The following TSEN2 variants were observed in gnomAD, a reference collection of about 807,000 sequenced individuals.
TSEN2 encodes the protein tRNA-splicing endonuclease subunit Sen2.
A neutral mutation model predicts 59.2 loss-of-function variants in TSEN2; 54 were observed. That is an observed-to-expected ratio of 0.91 (90% CI 0.73 to 1.14). The LOEUF is 1.14. TSEN2 is among the 50% of genes most tolerant of loss of function. The pLI is 0.00. For missense variants in TSEN2, 636 were observed against 576.2 expected (o/e 1.10, Z -1.06); for synonymous variants, 195 against 198.2 (o/e 0.98, Z 0.14).
At chr3:12,529,069 T>G in intron 9 of TSEN2, 145 bp downstream of exon 9, 1 of 791,134 alleles carries the variant, frequency 1.3e-6, no homozygotes, top group Non-Finnish European at 2.2e-6. Context: ...CATGCCTCCT[T>G]ACACACTAAT....
Position 12,503,448 on chromosome 3 carries a change from AG to A in TSEN2, c.500del (p.Gly167GlufsTer7). On this transcript the variant is annotated frameshift_variant, in exon 5 of 12. Transcript: ENST00000284995. LOFTEE classifies it high-confidence loss of function. ...GMVSNMEGTA[G>X]GERPSVVNGD... ...TGGTTTCCAACATGGAAGGCACAGC[AG>A]GGGGAGAGAGACCTTCTGTGGTAAA... The A allele has an allele frequency of 6.2e-7, 1 of 1,614,224 alleles. No homozygotes were observed. The highest frequency in any genetic ancestry group is 8.5e-7 in the Non-Finnish European group (1 of 1,180,042).
intron 6 of TSEN2, among the ~76,000 whole-genome samples, chr3:12,515,555 T>A (rs1017817794): frequency 1.3e-5 from 2 of 152,226 alleles, no homozygotes; most frequent in Non-Finnish European, 2.9e-5. Flanking sequence ...CTCATGGGAA[T>A]CCCTTCAGTG....
intron 8 of TSEN2, among the ~76,000 whole-genome samples, chr3:12,523,523 A>ATTTTTTTTTTT (rs1386382924): frequency 4.7e-4 from 24 of 51,010 alleles, no homozygotes; most frequent in Non-Finnish European, 9.4e-4. Context: ...TTCCTCTTTG[A>ATTTTTTTTTTT]TTCTTTTTTT....
chr3:12,530,397 T>C (rs910920565), intron 10 of TSEN2: 1 of 985,798 alleles, frequency 1.0e-6, no homozygotes, highest in Non-Finnish European at 1.2e-6. Context: ...CTCATGTGCA[T>C]ACTCGGGATC....
chr3:12,511,191 T>C (rs1474930075), intron 6 of TSEN2: 2 of 152,272 alleles, frequency 1.3e-5, no homozygotes, highest in Admixed American at 6.6e-5. Context: ...ATCGGGCACA[T>C]TGAGAGTAGC....
At chr3:12,526,676 C>T (rs2057112238) in intron 8 of TSEN2, among the ~76,000 whole-genome samples, 1 of 152,218 alleles carries the variant, frequency 6.6e-6, no homozygotes, top group African/African-American at 2.4e-5. Flanking sequence ...ATACACCGTG[C>T]TAATACTTCT....
intron 3 of TSEN2, among the ~76,000 whole-genome samples, chr3:12,493,210 TG>T (rs2053405506): frequency 6.6e-6 from 1 of 152,262 alleles, no homozygotes; most frequent in South Asian, 2.1e-4. Context: ...TTGGCTTTTC[TG>T]AATAATACTG....
At chr3:12,539,011 C>G (rs564151876) in intron 10 of TSEN2, 1 of 338,990 alleles carries the variant, frequency 2.9e-6, no homozygotes, top group African/African-American at 2.3e-5. Flanking sequence ...TTGCTGGGCT[C>G]GTTTGTGCAA....
At chr3:12,523,770 C>T (rs1200090678) in intron 8 of TSEN2, among the ~76,000 whole-genome samples, 1 of 151,786 alleles carries the variant, frequency 6.6e-6, no homozygotes, top group African/African-American at 2.4e-5. Context: ...GAACTCCTGA[C>T]CTCAAGTGAT....
chr3:12,494,989 G>A (rs1042346589), intron 3 of TSEN2, among the ~76,000 whole-genome samples: 3 of 151,446 alleles, frequency 2.0e-5, no homozygotes, highest in Admixed American at 2.0e-4. Flanking sequence ...AGCTGGGCAT[G>A]GTGGCAGGCA....
intron 3 of TSEN2, among the ~76,000 whole-genome samples, chr3:12,495,455 C>G (rs1023163262): frequency 1.3e-4 from 20 of 152,126 alleles, no homozygotes; most frequent in African/African-American, 4.8e-4. Context: ...GTCTTGAACT[C>G]CTGAGCTCAG....
intron 6 of TSEN2, among the ~76,000 whole-genome samples, chr3:12,510,285 C>T (rs1378067148): frequency 1.3e-5 from 2 of 152,194 alleles, no homozygotes; most frequent in Admixed American, 6.5e-5. Context: ...TGAGTTTCCT[C>T]ACTCACTCTG....
At chr3:12,485,313 A>G (rs2052494290) in intron 1 of TSEN2, among the ~76,000 whole-genome samples, 1 of 152,170 alleles carries the variant, frequency 6.6e-6, no homozygotes. Flanking sequence ...ATTTACCATC[A>G]CCTAAGAGGT....
At chr3:12,511,249 G>C (rs1441374589) in intron 6 of TSEN2, 1 of 151,504 alleles carries the variant, frequency 6.6e-6, no homozygotes, top group Non-Finnish European at 1.5e-5. Context: ...GAAATCATTA[G>C]AGTAGCTAAG....
At chr3:12,520,452 T>C (rs896348462) in intron 8 of TSEN2, among the ~76,000 whole-genome samples, 2 of 152,200 alleles carry the variant, frequency 1.3e-5, no homozygotes, top group African/African-American at 4.8e-5. Flanking sequence ...CCTTGATCTT[T>C]TCTTTTTAAT....
chr3:12,503,588 A>C lies in TSEN2; in HGVS notation c.635A>C (p.Glu212Ala), dbSNP rs201734805. The C allele has an allele frequency of 1.6e-4, 257 of 1,599,876 alleles. No homozygotes were observed. The highest frequency in any genetic ancestry group is 2.1e-4 in the Non-Finnish European group (246 of 1,171,178). ...TTESFEKSVREDASPLPHVCC... is the reference protein window; with the variant it reads ...TTESFEKSVRADASPLPHVCC... ...GAGAGCTTTGAGAAAAGCGTGCGAG[A>C]GGATGCCTCACCTCTGCCCCATGTC... is the stretch of plus-strand genomic sequence containing the variant. The change falls in exon 5 of 12, where the codon GAG becomes GCG. Residue 212 changes from glutamate (E) to alanine (A), a missense_variant. Glu to Ala is a moderately radical substitution (Grantham distance 107). Transcript: ENST00000284995.
intron 8 of TSEN2, among the ~76,000 whole-genome samples, chr3:12,520,065 C>T (rs1216729662): frequency 6.6e-6 from 1 of 150,978 alleles, no homozygotes; most frequent in Non-Finnish European, 1.5e-5. Flanking sequence ...GTGGCACAAT[C>T]TTGGCTCACT....
At chr3:12,534,111 C>T (rs890076039), downstream of TSEN2, among the ~76,000 whole-genome samples, 5 of 152,114 alleles carry the variant, frequency 3.3e-5, no homozygotes, top group African/African-American at 1.2e-4. Flanking sequence ...AAATAGAGCC[C>T]TGTTTGGTGG....
chr3:12,529,702 T>C (rs2125245585), intron 9 of TSEN2, 60 bp from the exon 10 acceptor site: 2 of 1,493,168 alleles, frequency 1.3e-6, no homozygotes, highest in Non-Finnish European at 1.9e-6. Flanking sequence ...AGGACAAATA[T>C]TCTTTTTAAA....
Sources: allele counts gnomAD v4.1 joint callset (sites outside exome capture counted in the v4.1 genomes callset), GRCh38; gene constraint gnomAD v4.1.1; transcripts MANE v1.5; gene names NCBI Gene and HGNC (gene_info 2026-07-23, HGNC 2026-07-21).